MCC: variants seen among roughly 807,000 people sequenced by gnomAD.
MCC encodes the protein colorectal mutant cancer protein.
A neutral mutation model predicts 116.2 loss-of-function variants in MCC; 90 were observed. The observed-to-expected ratio is 0.77, with a 90% CI of 0.65 to 0.92. The LOEUF is 0.92. Among genes scored for constraint, MCC ranks in the 40% least tolerant of loss-of-function variants. MCC has a pLI of 0.00. For synonymous variants in MCC, 578 were observed against 510.5 expected (o/e 1.13, Z -1.78); for missense variants, 1,516 against 1,312.2 (o/e 1.16, Z -2.40).
rs557474060 is a variant in MCC at position 113,231,978 on chromosome 5, T to C, written c.628-80556A>G. On this transcript the variant is annotated intron_variant, in intron 3 of 18. Transcript: ENST00000408903. ...ACTAAGTTGTACAGGACCTATATAA[T>C]TTTGAATCTAAACAACCTCCTGGTT... Among the ~76,000 whole-genome samples, 3 of 152,292 alleles carry C rather than the reference T, an allele frequency of 2.0e-5. No individual in the cohort carries two copies. In the South Asian group the frequency reaches 6.2e-4, roughly 32 times the overall value.
intron 3 of MCC, among the ~76,000 whole-genome samples, chr5:113,164,728 C>G (rs1760682157): frequency 6.6e-6 from 1 of 152,204 alleles, no homozygotes; most frequent in Admixed American, 6.5e-5. Context: ...CCACGGGTAT[C>G]CAGGGTCACA....
At position 113,142,720 on chromosome 5, in the gene MCC, A is replaced by G. The variant is rs532186630; in HGVS notation, c.884+498T>C. ...GTAGAGCAATTTGAGGTAAGCTCAA[A>G]ATATAATCAGATTATCTGGAAGCCT... On this transcript the variant is annotated intron_variant, in intron 5 of 18. Transcript: ENST00000408903. Among the ~76,000 whole-genome samples, 150 of 152,332 alleles carry G rather than the reference A, an allele frequency of 9.8e-4. 3 individuals carry two copies. In the South Asian group the frequency reaches 0.031, roughly 31 times the overall value.
chr5:113,249,821 C>G (rs952205918), intron 3 of MCC, among the ~76,000 whole-genome samples: 1 of 152,198 alleles, frequency 6.6e-6, no homozygotes, highest in African/African-American at 2.4e-5. Flanking sequence ...GCCCCCTTAT[C>G]CACTGCTCCT....
Position 113,105,575 on chromosome 5 carries a change from G to C in MCC, c.1028-1220C>G, listed in dbSNP as rs76170178. Among the ~76,000 whole-genome samples the C allele has an allele frequency of 4.2e-3, 634 of 152,166 alleles. 6 individuals are homozygous for C. Among genetic ancestry groups the C allele is most frequent in the African/African-American group, 0.015 (616 of 41,490 alleles). The stretch of plus-strand genomic sequence containing the variant: ...CACCCCTATCCACCCAGTTACTCAG[G>C]TGAGCTCTGAGGCAACCTTCTATGC... On this transcript the variant is annotated intron_variant, in intron 6 of 18. Transcript: ENST00000408903.
At chr5:113,162,804 G>A (rs1281760560) in intron 3 of MCC, among the ~76,000 whole-genome samples, 1 of 152,044 alleles carries the variant, frequency 6.6e-6, no homozygotes, top group South Asian at 2.1e-4. Flanking sequence ...TTGGTCCACT[G>A]CCACCTTACT....
At chr5:113,282,296 T>C (rs1441034306) in intron 3 of MCC, among the ~76,000 whole-genome samples, 1 of 152,192 alleles carries the variant, frequency 6.6e-6, no homozygotes, top group Non-Finnish European at 1.5e-5. Context: ...GATGTTTTAA[T>C]GCCAAATAAA....
At chr5:113,423,335 A>G (rs1332041627) in intron 1 of MCC, among the ~76,000 whole-genome samples, 1 of 152,208 alleles carries the variant, frequency 6.6e-6, no homozygotes, top group Non-Finnish European at 1.5e-5. Flanking sequence ...CATGAGCTCA[A>G]TGTTAATGAA....
intron 1 of MCC, among the ~76,000 whole-genome samples, chr5:113,392,190 A>G (rs1266826352): frequency 6.6e-6 from 1 of 151,486 alleles, no homozygotes; most frequent in Non-Finnish European, 1.5e-5. Context: ...ACGATTGCCT[A>G]TGAATAGCAA....
chr5:113,459,615 G>A (rs2150424794), intron 1 of MCC, among the ~76,000 whole-genome samples: 1 of 152,190 alleles, frequency 6.6e-6, no homozygotes, highest in Admixed American at 6.5e-5. Context: ...CTGACTGGTG[G>A]TGGAGTGGCA....
chr5:113,090,306 A>C (rs1755514921), intron 8 of MCC, among the ~76,000 whole-genome samples: 2 of 151,866 alleles, frequency 1.3e-5, no homozygotes, highest in African/African-American at 2.4e-5. Flanking sequence ...TCTGCTAGGC[A>C]TGAGGGGGGA....
chr5:113,026,706 A>T lies in MCC; in HGVS notation c.*596T>A, dbSNP rs973255061. On this transcript the variant is annotated 3_prime_UTR_variant, in exon 19 of 19. Coordinates refer to ENST00000408903, the MANE Select transcript of MCC (RefSeq NM_001085377.2). ...TAGTGTATCTGGGACTGTAAGTAAC[A>T]CCTGTCTACGCTCTTCCCATGACCT... 3 of 152,272 alleles carry T rather than the reference A, an allele frequency of 2.0e-5. No homozygotes were observed. Among genetic ancestry groups the T allele is most frequent in the African/African-American group, 7.3e-5 (3 of 41,378 alleles). 9.4% of individuals were successfully genotyped at this position (152,272 alleles called of 1,614,324 possible). A position where few individuals can be genotyped will look rare whatever the true frequency, so the allele number is the denominator to read the frequency against.
intron 3 of MCC, among the ~76,000 whole-genome samples, chr5:113,165,514 A>T: frequency 6.6e-6 from 1 of 152,144 alleles, no homozygotes; most frequent in East Asian, 1.9e-4. Flanking sequence ...CTCGCTGCAG[A>T]TGGGATAGCT....
intron 3 of MCC, among the ~76,000 whole-genome samples, chr5:113,226,271 C>T (rs1763733827): frequency 6.6e-6 from 1 of 152,198 alleles, no homozygotes; most frequent in African/African-American, 2.4e-5. Flanking sequence ...TATTCTATTC[C>T]ATGGAATGGA....
At chr5:113,187,711 C>T (rs1466234583) in intron 3 of MCC, among the ~76,000 whole-genome samples, 8 of 149,458 alleles carry the variant, frequency 5.4e-5, no homozygotes, top group African/African-American at 2.0e-4. Context: ...GCCCAGATCG[C>T]GCCACTGCAC....
Position 113,084,232 on chromosome 5 carries a change from C to G in MCC, c.1546-42G>C, listed in dbSNP as rs184397494. 28 of 1,460,032 alleles carry G rather than the reference C, an allele frequency of 1.9e-5. No individual in the cohort carries two copies. The African/African-American group carries it at 3.5e-4, about 18-fold the overall frequency. 90.4% of individuals were successfully genotyped at this position (1,460,032 alleles called of 1,614,324 possible). ...AAACATTATAGAAAACTACACACCACTCCTCAGATAAACTGTTGGGACTAC... is the reference window on the plus strand; with the variant it reads ...AAACATTATAGAAAACTACACACCAGTCCTCAGATAAACTGTTGGGACTAC... On this transcript the variant is annotated intron_variant, in intron 9 of 18. Transcript: ENST00000408903.
intron 3 of MCC, among the ~76,000 whole-genome samples, chr5:113,279,622 C>A (rs1215957603): frequency 6.6e-6 from 1 of 152,068 alleles, no homozygotes; most frequent in Non-Finnish European, 1.5e-5. Flanking sequence ...TAAAATTATC[C>A]CCCAAGCCCC....
intron 1 of MCC, among the ~76,000 whole-genome samples, chr5:113,408,973 C>T (rs1769907968): frequency 6.6e-6 from 1 of 152,140 alleles, no homozygotes; most frequent in African/African-American, 2.4e-5. Context: ...AAGTTTGAAA[C>T]TCACTGTTTA....
chr5:113,471,896 G>A (rs1365982081), intron 1 of MCC, among the ~76,000 whole-genome samples: 1 of 152,018 alleles, frequency 6.6e-6, no homozygotes, highest in Non-Finnish European at 1.5e-5. Flanking sequence ...CTGCCGCCTT[G>A]CAGTTTGATC....
At chr5:113,180,890 C>T (rs577297298) in intron 3 of MCC, among the ~76,000 whole-genome samples, 53 of 152,252 alleles carry the variant, frequency 3.5e-4, no homozygotes, top group African/African-American at 1.3e-3. Context: ...AAGTTACTTA[C>T]GTCCTTCTAA....
Sources: allele counts gnomAD v4.1 joint callset (sites outside exome capture counted in the v4.1 genomes callset), GRCh38; gene constraint gnomAD v4.1.1; transcripts MANE v1.5; gene names NCBI Gene and HGNC (gene_info 2026-07-23, HGNC 2026-07-21).